Variants in CCSER1 observed in about 807,000 individuals in gnomAD.
The protein encoded by CCSER1 is serine-rich coiled-coil domain-containing protein 1.
A neutral mutation model predicts 82.0 loss-of-function variants in CCSER1; 41 were observed. That is an observed-to-expected ratio of 0.50 (90% CI 0.39 to 0.65). CCSER1 has a LOEUF of 0.65. CCSER1 is among the 30% of genes least tolerant of loss of function. The pLI, the probability that CCSER1 is intolerant of heterozygous loss-of-function variation, is 0.00. For synonymous variants in CCSER1, 414 were observed against 383.9 expected, an observed-to-expected ratio of 1.08 and a Z score of -0.92; for missense variants, 1,119 against 1,064.2, an observed-to-expected ratio of 1.05 and a Z score of -0.72.
intron 7 of CCSER1, among the ~76,000 whole-genome samples, chr4:90,742,859 G>A (rs984675487): frequency 6.6e-6 from 1 of 152,034 alleles, no homozygotes; most frequent in Non-Finnish European, 1.5e-5. Context: ...TTCAACTACT[G>A]TTTTTATTGT....
intron 8 of CCSER1, among the ~76,000 whole-genome samples, chr4:90,916,834 C>T (rs1727515512): frequency 6.6e-6 from 1 of 151,938 alleles, no homozygotes. Flanking sequence ...ATGAACAACC[C>T]CATCAAAAAG....
At chr4:90,485,080 G>A (rs991552632) in intron 5 of CCSER1, among the ~76,000 whole-genome samples, 6 of 152,196 alleles carry the variant, frequency 3.9e-5, no homozygotes, top group Non-Finnish European at 5.9e-5. Context: ...AATGGCGGGC[G>A]CCCCTCCCCC....
At chr4:90,620,425 A>G (rs1722090480) in intron 5 of CCSER1, among the ~76,000 whole-genome samples, 1 of 152,182 alleles carries the variant, frequency 6.6e-6, no homozygotes, top group South Asian at 2.1e-4. Context: ...TTCTTTTTCT[A>G]TACTAAATTT....
intron 4 of CCSER1, among the ~76,000 whole-genome samples, chr4:90,408,668 C>A (rs1265108063): frequency 6.6e-6 from 1 of 152,116 alleles, no homozygotes; most frequent in Non-Finnish European, 1.5e-5. Flanking sequence ...GTAGATAAAA[C>A]CACAAAGATA....
chr4:90,902,564 C>T (rs892091974), intron 8 of CCSER1, among the ~76,000 whole-genome samples: 1 of 151,850 alleles, frequency 6.6e-6, no homozygotes, highest in African/African-American at 2.4e-5. Flanking sequence ...GGGCCCAGTG[C>T]TCTGTTTGGG....
chr4:91,083,898 A>G (rs1723081898), intron 9 of CCSER1, among the ~76,000 whole-genome samples: 1 of 152,152 alleles, frequency 6.6e-6, no homozygotes, highest in Non-Finnish European at 1.5e-5. Context: ...TTTGAGTTCC[A>G]GAATTAGATG....
intron 8 of CCSER1, among the ~76,000 whole-genome samples, chr4:90,822,699 G>A (rs894860581): frequency 5.2e-5 from 7 of 134,794 alleles, no homozygotes; most frequent in Non-Finnish European, 1.1e-4. Flanking sequence ...TTGCACTCCA[G>A]CCTGGGGGAC....
chr4:90,405,987 A>G (rs1284104718), intron 4 of CCSER1, among the ~76,000 whole-genome samples: 2 of 152,204 alleles, frequency 1.3e-5, no homozygotes, highest in African/African-American at 2.4e-5. Flanking sequence ...AAATAGCATG[A>G]TGAATAGAAT....
chr4:90,360,376 A>G (rs1169005036), intron 3 of CCSER1, among the ~76,000 whole-genome samples: 6 of 149,946 alleles, frequency 4.0e-5, no homozygotes, highest in Non-Finnish European at 7.4e-5. Context: ...AAAATAAAAA[A>G]AAAATTAGCC....
intron 1 of CCSER1, among the ~76,000 whole-genome samples, chr4:90,182,128 T>C (rs892583044): frequency 1.3e-5 from 2 of 152,158 alleles, no homozygotes; most frequent in East Asian, 3.8e-4. Flanking sequence ...AAGATAACTT[T>C]AATTATGTAC....
intron 4 of CCSER1, among the ~76,000 whole-genome samples, chr4:90,464,574 C>T (rs148082285): frequency 7.9e-5 from 12 of 152,290 alleles, no homozygotes; most frequent in Non-Finnish European, 1.3e-4. Context: ...AAGCCTAAGA[C>T]GGAATATTCT....
At chr4:90,199,500 A>C (rs1276896141) in intron 1 of CCSER1, among the ~76,000 whole-genome samples, 2 of 152,106 alleles carry the variant, frequency 1.3e-5, no homozygotes. Context: ...ACATGAAACA[A>C]TTTTTCCAAC....
chr4:90,853,557 G>C (rs545015380), intron 8 of CCSER1, among the ~76,000 whole-genome samples: 9 of 152,054 alleles, frequency 5.9e-5, no homozygotes, highest in African/African-American at 2.2e-4. Flanking sequence ...TTTTCTCTGT[G>C]CTCGTGTTTT....
At chr4:90,183,459 G>T (rs988331573) in intron 1 of CCSER1, among the ~76,000 whole-genome samples, 8 of 152,124 alleles carry the variant, frequency 5.3e-5, no homozygotes, top group Non-Finnish European at 7.4e-5. Flanking sequence ...ACAACTTAGT[G>T]AAGTTACCTC....
At chr4:90,958,486 G>A (rs1001338349) in intron 9 of CCSER1, among the ~76,000 whole-genome samples, 13 of 150,240 alleles carry the variant, frequency 8.7e-5, no homozygotes, top group African/African-American at 3.2e-4. Flanking sequence ...TGAGTTTATG[G>A]TAAAACATTT....
At chr4:91,493,719 A>G (rs772403453) in intron 10 of CCSER1, among the ~76,000 whole-genome samples, 1 of 150,564 alleles carries the variant, frequency 6.6e-6, no homozygotes. Context: ...ACTATGAATT[A>G]TAATTAAAAT....
At chr4:91,593,762 C>T (rs1764385627) in intron 10 of CCSER1, among the ~76,000 whole-genome samples, 1 of 151,996 alleles carries the variant, frequency 6.6e-6, no homozygotes, top group Non-Finnish European at 1.5e-5. Flanking sequence ...AAATAAATTG[C>T]AATGAGAGGC....
intron 4 of CCSER1, among the ~76,000 whole-genome samples, chr4:90,413,419 C>A (rs1381080874): frequency 4.6e-5 from 7 of 152,058 alleles, no homozygotes; most frequent in Admixed American, 4.6e-4. Flanking sequence ...AAAACACTAC[C>A]ATTATTCTTT....
chr4:90,851,141 A>G (rs1378487735), intron 8 of CCSER1, among the ~76,000 whole-genome samples: 1 of 152,318 alleles, frequency 6.6e-6, no homozygotes, highest in East Asian at 1.9e-4. Context: ...CTCCCTAGGC[A>G]TGTGAAACTG....
Sources: gnomAD v4.1 joint callset for allele counts (sites outside exome capture counted in the v4.1 genomes callset) on GRCh38, gnomAD v4.1.1 for gene constraint, MANE v1.5 for transcripts, NCBI Gene and HGNC (gene_info 2026-07-23, HGNC 2026-07-21) for gene names.